Variants in HYCC1 observed in about 807,000 individuals in gnomAD.
HYCC1 encodes the protein hyccin.
the HYCC1 span, chr7:22,947,281 T>A: frequency 6.6e-7 from 1 of 1,516,522 alleles, no homozygotes; most frequent in Non-Finnish European, 8.9e-7. Context: ...AAATGATGGA[T>A]GAAAACAAAA....
the HYCC1 span, among the ~76,000 whole-genome samples, chr7:22,975,082 T>C: frequency 2.6e-5 from 4 of 152,234 alleles, no homozygotes; most frequent in African/African-American, 4.8e-5. Context: ...AATGGACTAA[T>C]ACACTCAGGA....
chr7:22,970,169 T>C, the HYCC1 span, among the ~76,000 whole-genome samples: 2 of 152,240 alleles, frequency 1.3e-5, no homozygotes, highest in African/African-American at 2.4e-5. Flanking sequence ...CTATACTAGC[T>C]ACTTGTAAGG....
the HYCC1 span, among the ~76,000 whole-genome samples, chr7:22,925,642 G>A: frequency 1.3e-5 from 2 of 152,144 alleles, no homozygotes; most frequent in Non-Finnish European, 2.9e-5. Flanking sequence ...AAAAAGAAGA[G>A]AAAGAAACGA....
chr7:23,011,080 C>T, the HYCC1 span, among the ~76,000 whole-genome samples: 1 of 152,176 alleles, frequency 6.6e-6, no homozygotes, highest in South Asian at 2.1e-4. Flanking sequence ...TTAACCTGTT[C>T]CTCCTCCACT....
the HYCC1 span, among the ~76,000 whole-genome samples, chr7:23,005,461 T>C: frequency 1.3e-5 from 2 of 152,228 alleles, no homozygotes; most frequent in African/African-American, 2.4e-5. Context: ...TATGATCTTA[T>C]AGTTCTGAAA....
At chr7:22,924,503 C>A in the HYCC1 span, among the ~76,000 whole-genome samples, 9 of 152,228 alleles carry the variant, frequency 5.9e-5, no homozygotes, top group African/African-American at 2.2e-4. Flanking sequence ...GCTTTTCCAA[C>A]GGGCTTAACA....
the HYCC1 span, among the ~76,000 whole-genome samples, chr7:22,902,927 C>G: frequency 2.0e-5 from 3 of 151,912 alleles, no homozygotes; most frequent in Admixed American, 2.0e-4. Context: ...ACTGCAGCAG[C>G]CAAGGAAGGT....
At chr7:22,958,444 T>C in the HYCC1 span, among the ~76,000 whole-genome samples, 1 of 152,156 alleles carries the variant, frequency 6.6e-6, no homozygotes, top group Admixed American at 6.6e-5. Context: ...TCTGTGACTT[T>C]ATTGTTATAA....
chr7:22,934,848 G>C, the HYCC1 span: 9 of 152,320 alleles, frequency 5.9e-5, no homozygotes, highest in African/African-American at 1.9e-4. Context: ...TTGGAAGTTA[G>C]TGATAGAGGC....
the HYCC1 span, among the ~76,000 whole-genome samples, chr7:22,926,727 A>C: frequency 6.6e-6 from 1 of 151,318 alleles, no homozygotes; most frequent in Non-Finnish European, 1.5e-5. Flanking sequence ...CCCACACAAT[A>C]ATAATGGGAG....
At chr7:22,902,732 C>T in the HYCC1 span, among the ~76,000 whole-genome samples, 1 of 152,034 alleles carries the variant, frequency 6.6e-6, no homozygotes, top group Non-Finnish European at 1.5e-5. Context: ...AAAATGAACA[C>T]TGACCCTTTC....
chr7:22,923,000 G>A, the HYCC1 span, among the ~76,000 whole-genome samples: 4 of 152,120 alleles, frequency 2.6e-5, no homozygotes, highest in Non-Finnish European at 5.9e-5. Context: ...ATCATAGATA[G>A]AACAACTATG....
chr7:22,998,951 T>G, the HYCC1 span, among the ~76,000 whole-genome samples: 1 of 152,170 alleles, frequency 6.6e-6, no homozygotes, highest in Non-Finnish European at 1.5e-5. Flanking sequence ...TGCCTATGCT[T>G]CTCTTCTCTA....
chr7:22,985,275 A>C, the HYCC1 span, among the ~76,000 whole-genome samples: 2 of 152,144 alleles, frequency 1.3e-5, no homozygotes, highest in African/African-American at 4.8e-5. Flanking sequence ...AAACAGCATA[A>C]ATTTTTACAA....
At chr7:22,932,826 C>T in the HYCC1 span, among the ~76,000 whole-genome samples, 1 of 152,122 alleles carries the variant, frequency 6.6e-6, no homozygotes, top group African/African-American at 2.4e-5. Context: ...TCTAAAACCT[C>T]AGAATTTCAC....
At chr7:22,914,570 G>A in the HYCC1 span, among the ~76,000 whole-genome samples, 8 of 152,010 alleles carry the variant, frequency 5.3e-5, no homozygotes, top group African/African-American at 1.9e-4. Context: ...TACAAGACCT[G>A]GATGATTTTT....
At chr7:22,950,258 GT>G in the HYCC1 span, among the ~76,000 whole-genome samples, 1 of 151,798 alleles carries the variant, frequency 6.6e-6, no homozygotes, top group Non-Finnish European at 1.5e-5. Flanking sequence ...TAGCCCCCAC[GT>G]TTCACATACC....
chr7:22,982,651 T>C, the HYCC1 span, among the ~76,000 whole-genome samples: 1 of 152,210 alleles, frequency 6.6e-6, no homozygotes, highest in African/African-American at 2.4e-5. Context: ...CTCCTGACGC[T>C]GCCCAAGTTT....
At chr7:22,945,704 C>A in the HYCC1 span, 8 of 1,613,712 alleles carry the variant, frequency 5.0e-6, no homozygotes, top group Non-Finnish European at 6.8e-6. Context: ...TTGGAGACTA[C>A]AAGCGGAAAA....
Sources: allele counts gnomAD v4.1 joint callset (sites outside exome capture counted in the v4.1 genomes callset), GRCh38; gene constraint gnomAD v4.1.1; transcripts MANE v1.5; gene names NCBI Gene and HGNC (gene_info 2026-07-23, HGNC 2026-07-21).